FRMPD4: variants seen among roughly 807,000 people sequenced by gnomAD.
The protein encoded by FRMPD4 is FERM and PDZ domain-containing protein 4.
Under a neutral mutation model 94.1 loss-of-function variants are expected in FRMPD4, and 22 were observed. The observed-to-expected ratio is 0.23, with a 90% CI of 0.17 to 0.33. The LOEUF (loss-of-function observed/expected upper bound fraction) is 0.33. Among genes scored for constraint, FRMPD4 ranks in the 10% least tolerant of loss-of-function variants. The probability of loss-of-function intolerance (pLI) is 1.00; values close to 1 mark genes in which losing one functional copy is unlikely to be tolerated. For synonymous variants in FRMPD4, 631 were observed against 548.6 expected (o/e 1.15, Z -2.10); for missense variants, 1,111 against 1,339.9 (o/e 0.83, Z 2.67).
intron 1 of FRMPD4, among the ~76,000 whole-genome samples, chrX:12,295,529 TA>T (rs1306137977): frequency 8.9e-6 from 1 of 112,189 alleles, no homozygotes; most frequent in Non-Finnish European, 1.9e-5. Context: ...ATTTATTGTT[TA>T]AATATCGTGT....
intron 1 of FRMPD4, among the ~76,000 whole-genome samples, chrX:12,140,988 T>A (rs1180276676): frequency 8.9e-6 from 1 of 111,979 alleles, no homozygotes; most frequent in Non-Finnish European, 1.9e-5. Flanking sequence ...AGAATTCTTC[T>A]TTTTCTTTAG....
intron 2 of FRMPD4, among the ~76,000 whole-genome samples, chrX:12,601,827 G>A (rs1228820667): frequency 9.0e-6 from 1 of 111,289 alleles, no homozygotes; most frequent in Non-Finnish European, 1.9e-5. Flanking sequence ...GACTTAAGTC[G>A]TGGTGCCTTG....
At chrX:12,367,905 A>G (rs1263800538) in intron 1 of FRMPD4, among the ~76,000 whole-genome samples, 1 of 112,167 alleles carries the variant, frequency 8.9e-6, no homozygotes, top group Admixed American at 9.4e-5. Flanking sequence ...AGGCTTGCAT[A>G]CCTGACTATA....
intron 1 of FRMPD4, among the ~76,000 whole-genome samples, chrX:12,344,477 T>C (rs920811085): frequency 9.0e-6 from 1 of 111,534 alleles, no homozygotes; most frequent in Non-Finnish European, 1.9e-5. Context: ...CTCTTATCTG[T>C]CTCCCCACTC....
At chrX:12,523,850 GA>G (rs781135374) in intron 2 of FRMPD4, among the ~76,000 whole-genome samples, 8,002 of 91,829 alleles carry the variant, frequency 0.087, 805 homozygotes, top group African/African-American at 0.28. Flanking sequence ...GAATAATTGG[GA>G]AAAAAAAAAA....
At chrX:12,011,783 TAA>T (rs1479401471) in intron 3 of FRMPD4, among the ~76,000 whole-genome samples, 3 of 112,189 alleles carry the variant, frequency 2.7e-5, no homozygotes, top group Non-Finnish European at 5.6e-5. Flanking sequence ...TACATAAATA[TAA>T]GACATTGTTG....
intron 1 of FRMPD4, among the ~76,000 whole-genome samples, chrX:12,364,779 C>A (rs2147997062): frequency 8.9e-6 from 1 of 112,058 alleles, no homozygotes; most frequent in African/African-American, 3.2e-5. Context: ...CCCCGCCCTA[C>A]CACCAACAAA....
chrX:11,842,786 T>C (rs2053545927), intron 1 of FRMPD4, among the ~76,000 whole-genome samples: 1 of 98,549 alleles, frequency 1.0e-5, no homozygotes, highest in Non-Finnish European at 2.0e-5. Context: ...CAACACTATG[T>C]TGAATAGGAG....
intron 3 of FRMPD4, among the ~76,000 whole-genome samples, chrX:12,128,463 T>C (rs954135331): frequency 1.8e-5 from 2 of 111,549 alleles, no homozygotes; most frequent in Non-Finnish European, 3.8e-5. Flanking sequence ...GGGCCTGGGG[T>C]CCTACCCAAA....
chrX:12,262,924 C>G (rs1457056173), intron 1 of FRMPD4, among the ~76,000 whole-genome samples: 2 of 111,658 alleles, frequency 1.8e-5, no homozygotes, highest in African/African-American at 6.5e-5. Context: ...CATGTGGGTC[C>G]TTGTAGATAT....
Position 12,240,094 on chromosome X carries a change from G to A in FRMPD4, c.41+101082G>A, listed in dbSNP as rs1486298693. On this transcript the variant is annotated intron_variant, in intron 1 of 16. Transcript: ENST00000675598. ...AATTATATGCAATTCAGATTGCTGAGTTTACCATTGAAAATTGTACTGGAA... is the reference window on the plus strand; with the variant it reads ...AATTATATGCAATTCAGATTGCTGAATTTACCATTGAAAATTGTACTGGAA... Among the ~76,000 whole-genome samples the A allele has an allele frequency of 2.7e-5, 3 of 112,477 alleles. No individual in the cohort carries two copies. In the East Asian group the frequency reaches 8.3e-4, roughly 31 times the overall value.
At chrX:12,385,475 T>C (rs1475275353) in intron 1 of FRMPD4, among the ~76,000 whole-genome samples, 1 of 112,455 alleles carries the variant, frequency 8.9e-6, no homozygotes, top group African/African-American at 3.2e-5. Flanking sequence ...ATAGATCTTA[T>C]TCAGTAATAC....
intron 1 of FRMPD4, among the ~76,000 whole-genome samples, chrX:12,150,916 A>G (rs2055841629): frequency 9.0e-6 from 1 of 111,596 alleles, no homozygotes; most frequent in South Asian, 3.7e-4. Flanking sequence ...GGTATTTTGC[A>G]TACAGTATAT....
intron 1 of FRMPD4, among the ~76,000 whole-genome samples, chrX:12,438,708 C>T (rs183163120): frequency 9.0e-6 from 1 of 111,336 alleles, no homozygotes; most frequent in Non-Finnish European, 1.9e-5. Context: ...GTGACAAAAA[C>T]CCCGATTCTG....
At chrX:12,607,129 T>C in intron 2 of FRMPD4, among the ~76,000 whole-genome samples, 1 of 111,280 alleles carries the variant, frequency 9.0e-6, no homozygotes. Context: ...TGTCTGAGGC[T>C]CCTACCCTGG....
chrX:11,891,649 T>G (rs2053874322), intron 3 of FRMPD4, among the ~76,000 whole-genome samples: 1 of 112,197 alleles, frequency 8.9e-6, no homozygotes, highest in Non-Finnish European at 1.9e-5. Context: ...ATCTCTGTGT[T>G]ATCATGTTCC....
chrX:12,397,006 C>A (rs753015769), intron 1 of FRMPD4, among the ~76,000 whole-genome samples: 4 of 111,440 alleles, frequency 3.6e-5, no homozygotes, highest in African/African-American at 1.3e-4. Flanking sequence ...GAGGCCGGCC[C>A]AATGCTGGCT....
At chrX:11,973,033 G>C (rs1186536689) in intron 3 of FRMPD4, among the ~76,000 whole-genome samples, 1 of 111,767 alleles carries the variant, frequency 8.9e-6, no homozygotes, top group Non-Finnish European at 1.9e-5. Context: ...GAAATAGAAG[G>C]CTTGACTTTG....
intron 2 of FRMPD4, among the ~76,000 whole-genome samples, chrX:12,549,650 A>G (rs1415648369): frequency 8.9e-6 from 1 of 112,230 alleles, no homozygotes; most frequent in Non-Finnish European, 1.9e-5. Flanking sequence ...AGAGCTACAA[A>G]AAGATTTAAT....
Sources: gnomAD v4.1 joint callset for allele counts (sites outside exome capture counted in the v4.1 genomes callset) on GRCh38, gnomAD v4.1.1 for gene constraint, MANE v1.5 for transcripts, NCBI Gene and HGNC (gene_info 2026-07-23, HGNC 2026-07-21) for gene names.